Variants in LRP6 observed in about 807,000 individuals in gnomAD.
LRP6 encodes the protein LDL receptor related protein 6.
A neutral mutation model predicts 184.1 loss-of-function variants in LRP6; 43 were observed. That is an observed-to-expected ratio of 0.23 (90% CI 0.18 to 0.30). LRP6 has a LOEUF of 0.30. Ranked by LOEUF, LRP6 falls within the 10% of genes least tolerant of loss-of-function variation. The probability of loss-of-function intolerance (pLI) is 1.00; values close to 1 mark genes in which losing one functional copy is unlikely to be tolerated. For synonymous variants in LRP6, 719 were observed against 684.9 expected (o/e 1.05, Z -0.78); for missense variants, 1,571 against 2,005.3 (o/e 0.78, Z 4.14).
intron 2 of LRP6, among the ~76,000 whole-genome samples, chr12:12,227,890 TA>T (rs1864672094): frequency 2.6e-5 from 4 of 152,182 alleles, no homozygotes; most frequent in African/African-American, 4.8e-5. Context: ...AAAACTGTTC[TA>T]AAAAATGGTC....
chr12:12,125,479 AAATGT>A, intron 20 of LRP6, 47 bp from the exon 21 acceptor site: 1 of 1,532,162 alleles, frequency 6.5e-7, no homozygotes, highest in Non-Finnish European at 9.0e-7. Flanking sequence ...TGATATATAA[AAATGT>A]ATCAAGCAAT....
At chr12:12,192,986 T>A (rs1591932552) in intron 3 of LRP6, among the ~76,000 whole-genome samples, 1 of 152,140 alleles carries the variant, frequency 6.6e-6, no homozygotes, top group African/African-American at 2.4e-5. Context: ...GAGACAGAAT[T>A]AATCTTAAAA....
intron 7 of LRP6, 28 bp from the exon 8 acceptor site, chr12:12,165,323 G>T (rs1258629807): frequency 6.8e-7 from 1 of 1,467,228 alleles, no homozygotes; most frequent in South Asian, 1.1e-5. Flanking sequence ...AAAGAGAAGG[G>T]GATGAATTAT....
chr12:12,244,944 A>G (rs1865150722), intron 1 of LRP6, among the ~76,000 whole-genome samples: 1 of 152,232 alleles, frequency 6.6e-6, no homozygotes, highest in South Asian at 2.1e-4. Context: ...TGGCAATAAT[A>G]TGGAGCTACT....
At chr12:12,212,618 T>G (rs1385740754) in intron 2 of LRP6, among the ~76,000 whole-genome samples, 2 of 152,240 alleles carry the variant, frequency 1.3e-5, no homozygotes, top group African/African-American at 4.8e-5. Context: ...TATTCATGAT[T>G]CTATATAATC....
rs142833219 is a variant in LRP6, at chr12:12,126,765, T to C, written c.4238A>G (p.Tyr1413Cys). Residue 1413 changes from tyrosine (Y) to cysteine (C), a missense_variant, in exon 20 of 23, where the codon TAT becomes TGT. This residue lies in a region of LRP6 where 763 missense variants were observed against 859.5 expected (regional missense o/e 0.89). Transcript: ENST00000261349. ...KGDGETMTND[Y>C]VVHGPASVPL... ...CACAGAAGCTGGTCCATGAACTACA[T>C]AGTCATTAGTCATAGTTTCCCCATC... is the stretch of plus-strand genomic sequence containing the variant. 43 of 1,614,080 alleles carry C rather than the reference T, an allele frequency of 2.7e-5. No individual in the cohort carries two copies. Among genetic ancestry groups the C allele is most frequent in the Admixed American group, 3.3e-5 (2 of 60,026 alleles).
intron 2 of LRP6, among the ~76,000 whole-genome samples, chr12:12,212,755 A>AT (rs916912833): frequency 2.0e-5 from 3 of 152,148 alleles, no homozygotes; most frequent in South Asian, 2.1e-4. Flanking sequence ...AGAGAATTTT[A>AT]TTTTTTTTAA....
intron 5 of LRP6, 74 bp downstream of exon 5, chr12:12,183,906 T>G: frequency 7.2e-7 from 1 of 1,381,754 alleles, no homozygotes; most frequent in South Asian, 1.2e-5. Context: ...CCTAGAGAGC[T>G]GATTATAGAG....
At chr12:12,175,754 AAAAG>A (rs1230024126) in intron 7 of LRP6, among the ~76,000 whole-genome samples, 1 of 150,736 alleles carries the variant, frequency 6.6e-6, no homozygotes, top group Admixed American at 6.6e-5. Flanking sequence ...AGAAAAAGAA[AAAAG>A]AAACTGTGAG....
At chr12:12,170,153 G>A (rs980875854) in intron 7 of LRP6, among the ~76,000 whole-genome samples, 1 of 152,092 alleles carries the variant, frequency 6.6e-6, no homozygotes, top group Non-Finnish European at 1.5e-5. Context: ...TGGCCAACAT[G>A]GTGAAGCCCC....
rs1949586143 is a variant in LRP6, at chr12:12,120,156, A to G, written c.*970T>C. 1 of 151,230 alleles carries G rather than the reference A, an allele frequency of 6.6e-6. No individual in the cohort carries two copies. Among genetic ancestry groups the G allele is most frequent in the African/African-American group, 2.4e-5 (1 of 41,164 alleles). The allele number at this position is 151,230 out of a possible 1,614,324, so 9.4% of individuals were successfully genotyped here. ...AAACATTGTCTATATGTGTTGTAAA[A>G]AGACATTTTAATGAGCATTAAAACA... On this transcript the variant is annotated 3_prime_UTR_variant, in exon 23 of 23. Transcript: ENST00000261349.
At chr12:12,122,086 T>C (rs1246261946) in intron 22 of LRP6, among the ~76,000 whole-genome samples, 1 of 152,214 alleles carries the variant, frequency 6.6e-6, no homozygotes, top group African/African-American at 2.4e-5. Flanking sequence ...AAAATTTAAA[T>C]GCCCATAAAG....
intron 1 of LRP6, chr12:12,249,199 G>A: frequency 2.6e-6 from 2 of 758,812 alleles, no homozygotes; most frequent in East Asian, 4.9e-5. Flanking sequence ...AAAATAAAAT[G>A]TGGACCTAAA....
At chr12:12,144,847 G>C (rs1322228680) in intron 15 of LRP6, among the ~76,000 whole-genome samples, 5 of 150,982 alleles carry the variant, frequency 3.3e-5, no homozygotes, top group Non-Finnish European at 7.4e-5. Context: ...CTCACTCACA[G>C]GTGGGAATTA....
In LRP6 at chr12:12,124,600, A is replaced by G. The variant is rs1052324546; in HGVS notation, c.4512T>C (p.Tyr1504=). The G allele has an allele frequency of 1.9e-6, 3 of 1,613,844 alleles. No homozygotes were observed. Among genetic ancestry groups the G allele is most frequent in the Admixed American group, 3.3e-5 (2 of 60,030 alleles). ...ERSHYTMEFG[Y]SSNSPSTHRS... is the part of the protein sequence containing the mutation. ...TATGAGTGGAAGGACTGTTTGAAGA[A>G]TATCCAAATTCCATAGTGTAATGTG... The change falls in exon 22 of 23, where the codon TAT becomes TAC. Residue 1504 remains tyrosine, a synonymous_variant. Transcript: ENST00000261349.
intron 7 of LRP6, among the ~76,000 whole-genome samples, chr12:12,170,663 T>C (rs1016701063): frequency 7.2e-5 from 11 of 152,076 alleles, no homozygotes; most frequent in Non-Finnish European, 1.3e-4. Flanking sequence ...GTCCCCTCTA[T>C]ACCTGTCACC....
intron 6 of LRP6, among the ~76,000 whole-genome samples, chr12:12,180,474 G>T (rs1239760927): frequency 6.6e-6 from 1 of 152,008 alleles, no homozygotes; most frequent in Non-Finnish European, 1.5e-5. Flanking sequence ...GGTGTAATTT[G>T]TCACTATGCT....
chr12:12,230,595 T>C (rs1864758400), intron 2 of LRP6, among the ~76,000 whole-genome samples: 1 of 152,086 alleles, frequency 6.6e-6, no homozygotes, highest in African/African-American at 2.4e-5. Flanking sequence ...ATAATTAAAA[T>C]AAGTCATTAA....
intron 15 of LRP6, among the ~76,000 whole-genome samples, chr12:12,140,053 A>G (rs1949907641): frequency 6.6e-6 from 1 of 152,196 alleles, no homozygotes; most frequent in Non-Finnish European, 1.5e-5. Flanking sequence ...AGTATTTTTA[A>G]GCCTCATACT....
Sources: allele counts gnomAD v4.1 joint callset (sites outside exome capture counted in the v4.1 genomes callset), GRCh38; gene constraint gnomAD v4.1.1; regional missense constraint gnomAD v4.1.1; transcripts MANE v1.5; gene names NCBI Gene and HGNC (gene_info 2026-07-23, HGNC 2026-07-21).